Variants in GLIPR1 observed in about 807,000 individuals in gnomAD.
The protein encoded by GLIPR1 is glioma pathogenesis-related protein 1.
Under a neutral mutation model 30.3 loss-of-function variants are expected in GLIPR1, and 38 were observed. The ratio of observed to expected loss-of-function variants is 1.26; its 90% CI spans 0.97 to 1.65. The LOEUF is 1.65. Among genes scored for constraint, GLIPR1 ranks in the 40% most tolerant of loss-of-function variants. The pLI is 0.00. For missense variants in GLIPR1, 285 were observed against 326.5 expected (o/e 0.87, Z 0.98); for synonymous variants, 122 against 110.6 (o/e 1.10, Z -0.65).
intron 2 of GLIPR1, among the ~76,000 whole-genome samples, chr12:75,482,612 G>A (rs1431988949): frequency 1.3e-5 from 2 of 152,068 alleles, no homozygotes; most frequent in East Asian, 3.9e-4. Context: ...CAGGCCAACA[G>A]AGAGGCCAAC....
At chr12:75,490,235 C>CACACACA (rs1566097391) in intron 2 of GLIPR1, among the ~76,000 whole-genome samples, 171 bp from the exon 3 acceptor site, 3 of 109,630 alleles carry the variant, frequency 2.7e-5, no homozygotes, top group Admixed American at 1.0e-4. Flanking sequence ...ACACACACAC[C>CACACACA]CCAATAATGG....
In GLIPR1 at chr12:75,485,507, C is replaced by T. The variant is rs952559690; in HGVS notation, c.420+3428C>T. ...ATTTTAGTTTTTCTCTTCCTGCCTC[C>T]TCCTCTCACCCTCTTGACAGCTTTA... On this transcript the variant is annotated intron_variant, in intron 2 of 5. Transcript: ENST00000266659. Among the ~76,000 whole-genome samples the T allele has an allele frequency of 2.6e-5, 4 of 151,472 alleles. No homozygotes were observed. The South Asian group carries it at 6.3e-4, about 24-fold the overall frequency.
intron 2 of GLIPR1, chr12:75,487,775 A>T (rs142469232): frequency 2.2e-6 from 1 of 456,464 alleles, no homozygotes; most frequent in East Asian, 7.0e-5. Flanking sequence ...AAACCCCAAG[A>T]GAGGGTTCTT....
In GLIPR1 at chr12:75,500,017, T is replaced by C; in HGVS notation, c.*1039T>C. On this transcript the variant is annotated 3_prime_UTR_variant, in exon 6 of 6. Transcript: ENST00000266659. ...TTTACCAAGTAAAACAAAGAATATA[T>C]GTTTAACAAAGAATATATGTTTAAG... 7.8e-7 allele frequency: 1 copy of C among 1,285,192 alleles called. No homozygotes were observed. Among genetic ancestry groups the C allele is most frequent in the South Asian group, 1.4e-5 (1 of 72,602 alleles). 79.6% of individuals were successfully genotyped at this position (1,285,192 alleles called of 1,614,324 possible).
In GLIPR1 at chr12:75,499,111, C is replaced by T. The variant is rs1364165165; in HGVS notation, c.*133C>T. On this transcript the variant is annotated 3_prime_UTR_variant, in exon 6 of 6. Transcript: ENST00000266659. ...AATATATGTTATAGCAATACTCTTA[C>T]TCAAAAGAAGAAATTTCCTAACTCT... 2 of 512,490 alleles carry T rather than the reference C, an allele frequency of 3.9e-6. No homozygotes were observed. Among genetic ancestry groups the T allele is most frequent in the African/African-American group, 2.0e-5 (1 of 49,940 alleles). The allele number at this position is 512,490 out of a possible 1,614,324, so 31.7% of individuals were successfully genotyped here. A position where few individuals can be genotyped will look rare whatever the true frequency, so the allele number is the denominator to read the frequency against.
At chr12:75,496,814 A>T (rs1295057285) in intron 4 of GLIPR1, 1 of 152,182 alleles carries the variant, frequency 6.6e-6, no homozygotes, top group Non-Finnish European at 1.5e-5. Context: ...TCTATATATT[A>T]AACTGCTTGC....
rs1488360874 is a variant in GLIPR1 at position 75,503,797 on chromosome 12, A to C, written c.*4819A>C. 1.0e-5 allele frequency: 8 copies of C among 767,910 alleles called. No individual in the cohort carries two copies. Among genetic ancestry groups the C allele is most frequent in the African/African-American group, 3.5e-5 (2 of 56,452 alleles). 47.6% of individuals were successfully genotyped at this position (767,910 alleles called of 1,614,324 possible). On this transcript the variant is annotated 3_prime_UTR_variant, in exon 6 of 6. Coordinates refer to ENST00000266659, the MANE Select transcript of GLIPR1 (RefSeq NM_006851.3). The stretch of plus-strand genomic sequence containing the variant: ...TTATAGCTCTGCACACACACACACA[A>C]TATATATATATACACATATCCCACC...
chr12:75,500,235 CAACTATATTA>C lies in GLIPR1; in HGVS notation c.*1259_*1268del, dbSNP rs2046382517. ...GCATAATTGAACCAATTACTGGATT[CAACTATATTA>C]AGACTATTTCCTTAAATCCTACTTC... On this transcript the variant is annotated 3_prime_UTR_variant, in exon 6 of 6. Coordinates refer to ENST00000266659, the MANE Select transcript of GLIPR1 (RefSeq NM_006851.3). 1.0e-5 allele frequency: 2 copies of C among 199,860 alleles called. No individual in the cohort carries two copies. Among genetic ancestry groups the C allele is most frequent in the East Asian group, 2.5e-4 (2 of 8,150 alleles). 12.4% of individuals were successfully genotyped at this position (199,860 alleles called of 1,614,324 possible).
rs2046393675 is a variant in GLIPR1 at position 75,501,492 on chromosome 12, C to T, written c.*2514C>T. 2 of 449,660 alleles carry T rather than the reference C, an allele frequency of 4.4e-6. No individual in the cohort carries two copies. Among genetic ancestry groups the T allele is most frequent in the Non-Finnish European group, 7.9e-6 (2 of 253,528 alleles). 27.9% of individuals were successfully genotyped at this position (449,660 alleles called of 1,614,324 possible). ...CACAACAAAGAGTCTTTTCCAAGCA[C>T]AGACCAGAGGTCAGGAGAGGACTGT... On this transcript the variant is annotated 3_prime_UTR_variant, in exon 6 of 6. Coordinates refer to ENST00000266659, the MANE Select transcript of GLIPR1 (RefSeq NM_006851.3).
Position 75,502,005 on chromosome 12 carries a change from T to TTCTG in GLIPR1, c.*3027_*3028insTCTG, listed in dbSNP as rs2120601266. 1 of 1,604,280 alleles carries TTCTG rather than the reference T, an allele frequency of 6.2e-7. No homozygotes were observed. The highest frequency in any genetic ancestry group is 1.7e-5 in the Admixed American group (1 of 57,566). ...ACTAGCCAATTCTTTATCGATCTGT[T>TTCTG]GAAAACGGTATTTACAATTACATCA... On this transcript the variant is annotated 3_prime_UTR_variant, in exon 6 of 6. Transcript: ENST00000266659.
rs866170561 is a variant in GLIPR1 at position 75,480,765 on chromosome 12, A to G, written c.-116A>G. The G allele has an allele frequency of 1.6e-5, 11 of 687,640 alleles. No homozygotes were observed. In the South Asian group the frequency reaches 2.2e-4, roughly 14 times the overall value. The allele number at this position is 687,640 out of a possible 1,614,324, so 42.6% of individuals were successfully genotyped here. ...AACTCATGCTCTGTTCTGTTTTCTCAAAGCTGAAGTCGGCTAGGTTTGCAA... is the reference window on the plus strand; with the variant it reads ...AACTCATGCTCTGTTCTGTTTTCTCGAAGCTGAAGTCGGCTAGGTTTGCAA... On this transcript the variant is annotated 5_prime_UTR_variant, in exon 1 of 6. Transcript: ENST00000266659.
intron 4 of GLIPR1, chr12:75,498,434 G>A: frequency 2.9e-6 from 1 of 346,816 alleles, no homozygotes; most frequent in Non-Finnish European, 5.2e-6. Flanking sequence ...GGTATGATGT[G>A]TAAAATGATT....
At chr12:75,498,802 A>C in intron 5 of GLIPR1, 22 bp from the exon 6 acceptor site, 2 of 1,611,854 alleles carry the variant, frequency 1.2e-6, no homozygotes, top group Non-Finnish European at 1.7e-6. Context: ...GTCTAAGAGG[A>C]TATTCTATGT....
At position 75,501,602 on chromosome 12, in the gene GLIPR1, TAA is replaced by T; in HGVS notation, c.*2625_*2626del. Reference sequence around the variant, plus strand: ...ATCCCTTGTCCTTAGGATTAGTAATTAATGAAATGCTAAGAGAACTGATGAAA... The same window carrying T: ...ATCCCTTGTCCTTAGGATTAGTAATTTGAAATGCTAAGAGAACTGATGAAA... On this transcript the variant is annotated 3_prime_UTR_variant, in exon 6 of 6. Transcript: ENST00000266659. 1.5e-6 allele frequency: 1 copy of T among 665,948 alleles called. No homozygotes were observed. The highest frequency in any genetic ancestry group is 2.5e-6 in the Non-Finnish European group (1 of 392,910). 41.3% of individuals were successfully genotyped at this position (665,948 alleles called of 1,614,324 possible).
Position 75,491,232 on chromosome 12 carries a change from T to G in GLIPR1, c.533+714T>G, listed in dbSNP as rs561536223. 3 of 152,334 alleles carry G rather than the reference T, an allele frequency of 2.0e-5. No homozygotes were observed. In the East Asian group the frequency reaches 5.8e-4, roughly 29 times the overall value. The allele number at this position is 152,334 out of a possible 1,614,324, so 9.4% of individuals were successfully genotyped here. A position where few individuals can be genotyped will look rare whatever the true frequency, so the allele number is the denominator to read the frequency against. On this transcript the variant is annotated intron_variant, in intron 3 of 5. Transcript: ENST00000266659. Reference sequence around the variant, plus strand: ...GCACTGTTAAAGTGCTTCACATATATTAACTTAATCTTCACCAGAAGTTTA... The same window carrying G: ...GCACTGTTAAAGTGCTTCACATATAGTAACTTAATCTTCACCAGAAGTTTA...
rs776824171 is a variant in GLIPR1 at position 75,499,982 on chromosome 12, T to C, written c.*1004T>C. 4 of 1,541,196 alleles carry C rather than the reference T, an allele frequency of 2.6e-6. No individual in the cohort carries two copies. Among genetic ancestry groups the C allele is most frequent in the East Asian group, 2.3e-5 (1 of 43,134 alleles). ...CAAATTAAAAGCACAACACATGTAATACTTTAGATTTTACCAAGTAAAACA... is the reference window on the plus strand; with the variant it reads ...CAAATTAAAAGCACAACACATGTAACACTTTAGATTTTACCAAGTAAAACA... On this transcript the variant is annotated 3_prime_UTR_variant, in exon 6 of 6. Transcript: ENST00000266659.
Position 75,498,818 on chromosome 12 carries a change from T to A in GLIPR1, c.647-6T>A, listed in dbSNP as rs2046369085. The A allele has an allele frequency of 6.2e-7, 1 of 1,612,246 alleles. No individual in the cohort carries two copies. The highest frequency in any genetic ancestry group is 1.3e-5 in the African/African-American group (1 of 74,990). ...TCTAAGAGGATATTCTATGTTTGTTTCACAGGTTACTACTCTGTTGTATAT... is the reference window on the plus strand; with the variant it reads ...TCTAAGAGGATATTCTATGTTTGTTACACAGGTTACTACTCTGTTGTATAT... On this transcript the variant is annotated splice_region_variant and splice_polypyrimidine_tract_variant and intron_variant, in intron 5 of 5. Coordinates refer to ENST00000266659, the MANE Select transcript of GLIPR1 (RefSeq NM_006851.3).
chr12:75,502,003 G>T lies in GLIPR1; in HGVS notation c.*3025G>T. On this transcript the variant is annotated 3_prime_UTR_variant, in exon 6 of 6. Coordinates refer to ENST00000266659, the MANE Select transcript of GLIPR1 (RefSeq NM_006851.3). ...CCACTAGCCAATTCTTTATCGATCT[G>T]TTGAAAACGGTATTTACAATTACAT... is the stretch of plus-strand genomic sequence containing the variant. 1.2e-6 allele frequency: 2 copies of T among 1,607,714 alleles called. No homozygotes were observed. The highest frequency in any genetic ancestry group is 1.7e-6 in the Non-Finnish European group (2 of 1,176,002).
At chr12:75,486,585 A>G (rs1438990256) in intron 2 of GLIPR1, among the ~76,000 whole-genome samples, 2 of 152,246 alleles carry the variant, frequency 1.3e-5, no homozygotes, top group Admixed American at 1.3e-4. Flanking sequence ...CAGAGTGCCC[A>G]TGAAGCTTTT....
Sources: allele counts gnomAD v4.1 joint callset (sites outside exome capture counted in the v4.1 genomes callset), GRCh38; gene constraint gnomAD v4.1.1; transcripts MANE v1.5; gene names NCBI Gene and HGNC (gene_info 2026-07-23, HGNC 2026-07-21).